MCTP1: variants seen among roughly 807,000 people sequenced by gnomAD.
MCTP1 encodes the protein multiple C2 and transmembrane domain containing 1.
A neutral mutation model predicts 120.6 loss-of-function variants in MCTP1; 69 were observed. That is an observed-to-expected ratio of 0.57 (90% CI 0.47 to 0.70). MCTP1 has a LOEUF of 0.70. Ranked by LOEUF, MCTP1 falls within the 30% of genes least tolerant of loss-of-function variation. MCTP1 has a pLI of 0.00. For missense variants in MCTP1, 1,203 were observed against 1,248.8 expected (o/e 0.96, Z 0.55); for synonymous variants, 529 against 493.1 (o/e 1.07, Z -0.96).
intron 1 of MCTP1, among the ~76,000 whole-genome samples, chr5:95,169,245 C>G (rs1746877175): frequency 6.6e-6 from 1 of 152,204 alleles, no homozygotes; most frequent in Non-Finnish European, 1.5e-5. Context: ...ACAGAGGAAG[C>G]CAACTTGATC....
intron 1 of MCTP1, among the ~76,000 whole-genome samples, chr5:95,034,316 T>G: frequency 6.6e-6 from 1 of 152,146 alleles, no homozygotes; most frequent in East Asian, 1.9e-4. Flanking sequence ...TTACATGACT[T>G]CCAACTATAC....
intron 1 of MCTP1, among the ~76,000 whole-genome samples, chr5:95,184,694 G>T (rs1749002563): frequency 6.6e-6 from 1 of 152,000 alleles, no homozygotes; most frequent in Non-Finnish European, 1.5e-5. Context: ...GCAGCTTCTG[G>T]CTCCAAAAGT....
intron 1 of MCTP1, among the ~76,000 whole-genome samples, chr5:95,199,050 A>C (rs748932703): frequency 2.6e-5 from 4 of 152,208 alleles, no homozygotes; most frequent in Non-Finnish European, 5.9e-5. Flanking sequence ...TTTCTCTTAT[A>C]GTTTTTGAAC....
At chr5:94,947,303 C>T (rs191408601) in intron 3 of MCTP1, among the ~76,000 whole-genome samples, 31 of 151,936 alleles carry the variant, frequency 2.0e-4, no homozygotes, top group African/African-American at 7.2e-4. Flanking sequence ...TCCATGTCTA[C>T]CCTTTCCTAT....
chr5:94,973,130 G>C (rs1827273615), intron 2 of MCTP1, among the ~76,000 whole-genome samples: 1 of 152,172 alleles, frequency 6.6e-6, no homozygotes. Flanking sequence ...GTATTTTACA[G>C]ATGAGTAAAC....
rs138666811 is a variant in MCTP1 at position 94,769,112 on chromosome 5, TA to T, written c.2610+9997del. Among the ~76,000 whole-genome samples the T allele has an allele frequency of 9.7e-3, 1,480 of 152,302 alleles. 24 individuals carry two copies. The highest frequency in any genetic ancestry group is 0.034 in the African/African-American group (1,396 of 41,564). ...CAATGTGGGTGGGACTTGAGGTCCT[TA>T]TGTTAAATGAAATAAGCCAGACACA... On this transcript the variant is annotated intron_variant, in intron 19 of 22. Transcript: ENST00000515393.
intron 1 of MCTP1, among the ~76,000 whole-genome samples, chr5:95,096,351 T>A (rs7718939): frequency 0.57 from 86,490 of 151,982 alleles, 25,223 homozygotes; most frequent in Admixed American, 0.65. Flanking sequence ...TTGCTTGTTC[T>A]GTTTGAGACA....
chr5:95,136,734 G>A (rs1759478176), intron 1 of MCTP1, among the ~76,000 whole-genome samples: 1 of 152,272 alleles, frequency 6.6e-6, no homozygotes, highest in Non-Finnish European at 1.5e-5. Context: ...CTGAGACAAG[G>A]AGATTTGTGT....
chr5:94,763,386 T>TG (rs1321218001), intron 19 of MCTP1, among the ~76,000 whole-genome samples: 5 of 152,226 alleles, frequency 3.3e-5, no homozygotes, highest in Non-Finnish European at 7.3e-5. Context: ...CTCTCCCTCC[T>TG]GCACATTATG....
chr5:95,243,921 C>G (rs1372070875), intron 1 of MCTP1, among the ~76,000 whole-genome samples: 1 of 152,192 alleles, frequency 6.6e-6, no homozygotes, highest in Non-Finnish European at 1.5e-5. Flanking sequence ...AGAGGAAACA[C>G]AGAGAGTATT....
intron 1 of MCTP1, among the ~76,000 whole-genome samples, chr5:95,150,342 G>C (rs1760775266): frequency 1.3e-5 from 2 of 152,130 alleles, no homozygotes; most frequent in African/African-American, 4.8e-5. Context: ...AACTTTTGCT[G>C]TTATGGAGCC....
intron 1 of MCTP1, among the ~76,000 whole-genome samples, chr5:95,074,382 T>G (rs7733741): frequency 0.83 from 125,712 of 152,168 alleles, 54,354 homozygotes; most frequent in Non-Finnish European, 0.97. Context: ...CTAAGAGAGA[T>G]GGCTGGCAAC....
intron 17 of MCTP1, among the ~76,000 whole-genome samples, chr5:94,804,040 C>A (rs1344989767): frequency 2.0e-5 from 3 of 152,158 alleles, no homozygotes; most frequent in African/African-American, 7.2e-5. Flanking sequence ...AGAAGCCAAC[C>A]AAAGATGCAA....
intron 19 of MCTP1, among the ~76,000 whole-genome samples, chr5:94,729,288 G>A (rs891560034): frequency 6.6e-6 from 1 of 152,198 alleles, no homozygotes; most frequent in Non-Finnish European, 1.5e-5. Context: ...GGACGTTACT[G>A]AAGCCCAGAT....
At chr5:95,177,678 T>C (rs1748166606) in intron 1 of MCTP1, among the ~76,000 whole-genome samples, 3 of 152,220 alleles carry the variant, frequency 2.0e-5, no homozygotes, top group Non-Finnish European at 4.4e-5. Context: ...CATTCGTTAT[T>C]TGCATAGTGA....
chr5:94,917,235 CAAT>C (rs1166803843), intron 8 of MCTP1, among the ~76,000 whole-genome samples: 1 of 152,130 alleles, frequency 6.6e-6, no homozygotes, highest in East Asian at 1.9e-4. Flanking sequence ...AGGTATCACT[CAAT>C]AAAATTTGCA....
intron 1 of MCTP1, among the ~76,000 whole-genome samples, chr5:95,124,007 C>T (rs902998081): frequency 6.6e-6 from 1 of 152,154 alleles, no homozygotes; most frequent in African/African-American, 2.4e-5. Flanking sequence ...AGGGTTTTCT[C>T]AGACATTACT....
intron 3 of MCTP1, among the ~76,000 whole-genome samples, chr5:94,947,577 T>TATATATATATATATATATATATATAG: frequency 1.3e-4 from 6 of 47,392 alleles, no homozygotes; most frequent in Non-Finnish European, 2.0e-4. Context: ...TATATATATA[T>TATATATATATATATATATATATATAG]AGAGAGAGAG....
chr5:94,919,391 T>A (rs567320972), intron 7 of MCTP1, among the ~76,000 whole-genome samples: 1 of 152,048 alleles, frequency 6.6e-6, no homozygotes, highest in East Asian at 1.9e-4. Flanking sequence ...TTAAAAAAAA[T>A]CGATTTAGAC....
Sources: gnomAD v4.1 joint callset for allele counts (sites outside exome capture counted in the v4.1 genomes callset) on GRCh38, gnomAD v4.1.1 for gene constraint, MANE v1.5 for transcripts, NCBI Gene and HGNC (gene_info 2026-07-23, HGNC 2026-07-21) for gene names.